The following AGBL4 variants were observed in gnomAD, a reference collection of about 807,000 sequenced individuals.
AGBL4 encodes cytosolic carboxypeptidase 6.
A neutral mutation model predicts 66.4 loss-of-function variants in AGBL4; 58 were observed. That is an observed-to-expected ratio of 0.87 (90% CI 0.71 to 1.09). The LOEUF (loss-of-function observed/expected upper bound fraction) is 1.09. Ranked by LOEUF, AGBL4 falls within the 50% of genes least tolerant of loss-of-function variation. The pLI is 0.00. For missense variants in AGBL4, 579 were observed against 631.0 expected (o/e 0.92, Z 0.88); for synonymous variants, 234 against 222.9 (o/e 1.05, Z -0.44).
intron 1 of AGBL4, among the ~76,000 whole-genome samples, chr1:49,941,444 C>T (rs1443337134): frequency 6.6e-6 from 1 of 151,980 alleles, no homozygotes; most frequent in African/African-American, 2.4e-5. Context: ...AAAATATAGG[C>T]CAATATCCAG....
chr1:48,616,198 C>T (rs1645315196), intron 9 of AGBL4, among the ~76,000 whole-genome samples: 1 of 152,154 alleles, frequency 6.6e-6, no homozygotes, highest in Non-Finnish European at 1.5e-5. Flanking sequence ...ATTCTCAGAA[C>T]CTCACTCCAG....
intron 1 of AGBL4, among the ~76,000 whole-genome samples, chr1:49,875,232 T>G (rs1646959002): frequency 1.3e-5 from 2 of 149,856 alleles, no homozygotes; most frequent in Non-Finnish European, 3.0e-5. Flanking sequence ...TGTATACATA[T>G]GCCATGCTGG....
At chr1:48,643,120 T>C (rs1205525972) in intron 8 of AGBL4, among the ~76,000 whole-genome samples, 2 of 152,210 alleles carry the variant, frequency 1.3e-5, no homozygotes, top group Non-Finnish European at 1.5e-5. Context: ...TTAGCTGTTC[T>C]TGTGGTTTGC....
intron 6 of AGBL4, among the ~76,000 whole-genome samples, chr1:48,740,200 G>C (rs1188065461): frequency 1.3e-5 from 2 of 152,204 alleles, no homozygotes; most frequent in African/African-American, 2.4e-5. Flanking sequence ...ACAGGTATAG[G>C]CCGGGGCATT....
chr1:48,646,906 C>T (rs922843072), intron 8 of AGBL4, among the ~76,000 whole-genome samples: 1 of 152,158 alleles, frequency 6.6e-6, no homozygotes, highest in African/African-American at 2.4e-5. Flanking sequence ...TGAGGAGACA[C>T]TTACATACTA....
At chr1:49,103,359 G>A (rs1645237086) in intron 4 of AGBL4, among the ~76,000 whole-genome samples, 1 of 152,162 alleles carries the variant, frequency 6.6e-6, no homozygotes, top group African/African-American at 2.4e-5. Flanking sequence ...TGAAGCCCAG[G>A]CTAAAGGATT....
chr1:48,648,607 C>T (rs1221457631), intron 8 of AGBL4, among the ~76,000 whole-genome samples: 2 of 152,146 alleles, frequency 1.3e-5, no homozygotes, highest in Non-Finnish European at 2.9e-5. Context: ...GGGAGTGTGG[C>T]GAGTCCCTGG....
At chr1:49,489,146 C>A (rs147085554) in intron 3 of AGBL4, among the ~76,000 whole-genome samples, 1 of 151,920 alleles carries the variant, frequency 6.6e-6, no homozygotes. Context: ...TACATTCCCA[C>A]CAACAGTGTA....
chr1:48,863,528 G>T (rs971303719), intron 6 of AGBL4, among the ~76,000 whole-genome samples: 5 of 151,800 alleles, frequency 3.3e-5, no homozygotes, highest in Middle Eastern at 3.4e-3. Flanking sequence ...AAGGTCCAAG[G>T]GTATTTCCCC....
chr1:48,906,261 T>C (rs1027600188), intron 5 of AGBL4, among the ~76,000 whole-genome samples: 6 of 152,186 alleles, frequency 3.9e-5, no homozygotes, highest in Non-Finnish European at 5.9e-5. Context: ...ACATAGCATG[T>C]TATTTTACCT....
At chr1:49,204,974 T>A (rs964727318) in intron 4 of AGBL4, among the ~76,000 whole-genome samples, 1 of 152,108 alleles carries the variant, frequency 6.6e-6, no homozygotes, top group Non-Finnish European at 1.5e-5. Context: ...TGTCTCCTGA[T>A]GCTTTATCAC....
At chr1:49,010,039 C>G (rs992722883) in intron 5 of AGBL4, among the ~76,000 whole-genome samples, 1 of 152,040 alleles carries the variant, frequency 6.6e-6, no homozygotes, top group Non-Finnish European at 1.5e-5. Flanking sequence ...GGCAATTAGG[C>G]AGGAGAAGGA....
intron 1 of AGBL4, among the ~76,000 whole-genome samples, chr1:49,958,239 T>A (rs1161100635): frequency 6.6e-6 from 1 of 152,116 alleles, no homozygotes; most frequent in Non-Finnish European, 1.5e-5. Flanking sequence ...GCTATTAGTC[T>A]GATGGGCTTT....
chr1:49,077,109 T>C (rs541342922), intron 4 of AGBL4, among the ~76,000 whole-genome samples: 1 of 152,180 alleles, frequency 6.6e-6, no homozygotes, highest in East Asian at 1.9e-4. Flanking sequence ...TGTGTGTGTG[T>C]GTGTCTCCCT....
At chr1:49,434,918 G>A (rs1461128869) in intron 3 of AGBL4, among the ~76,000 whole-genome samples, 1 of 151,958 alleles carries the variant, frequency 6.6e-6, no homozygotes, top group Non-Finnish European at 1.5e-5. Context: ...AGTATTGGAG[G>A]TCTCGAGGGC....
intron 5 of AGBL4, among the ~76,000 whole-genome samples, chr1:49,003,723 A>G (rs555968399): frequency 6.6e-6 from 1 of 152,236 alleles, no homozygotes; most frequent in South Asian, 2.1e-4. Context: ...TTTAGGGTAG[A>G]TACAGCTGTT....
intron 1 of AGBL4, among the ~76,000 whole-genome samples, chr1:49,983,884 A>G (rs979608761): frequency 1.3e-5 from 2 of 152,190 alleles, no homozygotes; most frequent in African/African-American, 2.4e-5. Flanking sequence ...GAGACCCCAG[A>G]AAAACCTTAA....
At chr1:48,889,014 C>A (rs1046350718) in intron 5 of AGBL4, among the ~76,000 whole-genome samples, 4 of 152,128 alleles carry the variant, frequency 2.6e-5, no homozygotes, top group Non-Finnish European at 5.9e-5. Context: ...CTCCAACTTT[C>A]AACAAAGAAG....
chr1:48,643,105 A>T (rs1362774286), intron 8 of AGBL4, among the ~76,000 whole-genome samples: 1 of 152,220 alleles, frequency 6.6e-6, no homozygotes, highest in Non-Finnish European at 1.5e-5. Flanking sequence ...TAAGTGCTAC[A>T]CATGTTAGCT....
Sources: gnomAD v4.1 joint callset for allele counts (sites outside exome capture counted in the v4.1 genomes callset) on GRCh38, gnomAD v4.1.1 for gene constraint, MANE v1.5 for transcripts, NCBI Gene and HGNC (gene_info 2026-07-23, HGNC 2026-07-21) for gene names.